The following CPS1 variants were observed in gnomAD, a reference collection of about 807,000 sequenced individuals.
CPS1 encodes carbamoyl-phosphate synthase [ammonia], mitochondrial.
CPS1 carries 109 observed loss-of-function variants against 174.6 expected under a neutral mutation model. The ratio of observed to expected loss-of-function variants is 0.62; its 90% CI spans 0.53 to 0.73. The LOEUF is 0.73. Among genes scored for constraint, CPS1 ranks in the 30% least tolerant of loss-of-function variants. The pLI is 0.00. For missense variants in CPS1, 1,689 were observed against 1,821.9 expected (o/e 0.93, Z 1.33); for synonymous variants, 637 against 632.0 (o/e 1.01, Z -0.12).
intron 36 of CPS1, 118 bp from the exon 37 acceptor site, chr2:210,676,889 G>A (rs532985289): frequency 1.2e-6 from 1 of 867,502 alleles, no homozygotes; most frequent in East Asian, 2.6e-5. Flanking sequence ...GAGGGCAGAT[G>A]GCAGTCAACT....
At chr2:210,611,146 C>T (rs994743977) in intron 19 of CPS1, among the ~76,000 whole-genome samples, 1 of 151,828 alleles carries the variant, frequency 6.6e-6, no homozygotes, top group African/African-American at 2.4e-5. Flanking sequence ...TATTCCTGCT[C>T]TTGTAAATTT....
chr2:210,588,445 T>C (rs1574558443), intron 7 of CPS1, among the ~76,000 whole-genome samples: 2 of 152,168 alleles, frequency 1.3e-5, no homozygotes, highest in Admixed American at 6.6e-5. Flanking sequence ...TTCACTTTCT[T>C]TGTGGTATAG....
chr2:210,644,305 G>A (rs995940272), intron 25 of CPS1, among the ~76,000 whole-genome samples: 44 of 152,004 alleles, frequency 2.9e-4, no homozygotes, highest in African/African-American at 1.0e-3. Flanking sequence ...ATATGTAAAT[G>A]TAGACAATGG....
At position 210,606,802 on chromosome 2, in the gene CPS1, A is replaced by G. The variant is rs758623542; in HGVS notation, c.2053A>G (p.Ile685Val). The change falls in exon 18 of 38, where the codon ATC becomes GTC. Residue 685 changes from isoleucine to valine, a missense_variant. Transcript: ENST00000233072. ...AEFQMLRRTS[I>V]NVVRHLGIVG... ...GTTTCAGATGTTGAGACGTACTTCA[A>G]TCAATGTTGTTCGCCACTTGGGCAT... The G allele has an allele frequency of 3.1e-6, 5 of 1,612,562 alleles. No homozygotes were observed. The Admixed American group carries it at 6.7e-5, about 22-fold the overall frequency.
At chr2:210,496,174 G>T (rs760695985) in intron 1 of CPS1, among the ~76,000 whole-genome samples, 1 of 152,102 alleles carries the variant, frequency 6.6e-6, no homozygotes, top group African/African-American at 2.4e-5. Context: ...AGCTTCTGTG[G>T]CATCTGTCCC....
intron 1 of CPS1, among the ~76,000 whole-genome samples, chr2:210,505,443 T>A (rs1014976067): frequency 2.0e-5 from 3 of 151,992 alleles, no homozygotes; most frequent in Non-Finnish European, 2.9e-5. Context: ...ACAGCTCCAG[T>A]CTACTGCTCC....
chr2:210,571,311 T>G (rs914266186), intron 1 of CPS1, among the ~76,000 whole-genome samples: 6 of 151,864 alleles, frequency 4.0e-5, no homozygotes, highest in Non-Finnish European at 2.9e-5. Flanking sequence ...ATAAGCCTAG[T>G]AAAGGACAAA....
chr2:210,496,922 A>T (rs938973657), intron 1 of CPS1, among the ~76,000 whole-genome samples: 25 of 152,126 alleles, frequency 1.6e-4, no homozygotes, highest in Admixed American at 1.6e-3. Context: ...TTAACTGTCT[A>T]TGTCATTTAT....
intron 1 of CPS1, among the ~76,000 whole-genome samples, chr2:210,518,138 G>A (rs1695730373): frequency 6.6e-6 from 1 of 151,894 alleles, no homozygotes; most frequent in African/African-American, 2.4e-5. Flanking sequence ...TCTTTCCAGA[G>A]ATTTGTCACT....
At chr2:210,625,078 T>C (rs1263313150) in intron 21 of CPS1, among the ~76,000 whole-genome samples, 2 of 152,046 alleles carry the variant, frequency 1.3e-5, no homozygotes, top group African/African-American at 4.8e-5. Flanking sequence ...TTAGACCAAA[T>C]GGTATTTGTT....
At chr2:210,617,337 C>T (rs941138834) in intron 21 of CPS1, among the ~76,000 whole-genome samples, 21 of 152,040 alleles carry the variant, frequency 1.4e-4, no homozygotes, top group Admixed American at 2.6e-4. Flanking sequence ...CTGAAATACA[C>T]TACTATTGGA....
At chr2:210,551,109 C>A (rs1158019331) in intron 1 of CPS1, among the ~76,000 whole-genome samples, 2 of 151,826 alleles carry the variant, frequency 1.3e-5, no homozygotes, top group African/African-American at 4.8e-5. Context: ...ATAAATCAAT[C>A]CTCTACAACT....
At chr2:210,494,462 G>A (rs1694941645) in intron 1 of CPS1, among the ~76,000 whole-genome samples, 1 of 152,072 alleles carries the variant, frequency 6.6e-6, no homozygotes, top group Admixed American at 6.5e-5. Context: ...CCAAGGGGAA[G>A]ATAACAGCAA....
At chr2:210,550,174 G>A (rs1242436767) in intron 1 of CPS1, among the ~76,000 whole-genome samples, 2 of 151,782 alleles carry the variant, frequency 1.3e-5, no homozygotes, top group Non-Finnish European at 2.9e-5. Context: ...GAGAAGTTGT[G>A]GTTACTTTCT....
intron 19 of CPS1, among the ~76,000 whole-genome samples, chr2:210,611,032 C>G (rs903493911): frequency 2.6e-5 from 4 of 151,810 alleles, no homozygotes; most frequent in Non-Finnish European, 5.9e-5. Flanking sequence ...TTCTGGCAGT[C>G]TTTTCCATGC....
intron 36 of CPS1, among the ~76,000 whole-genome samples, chr2:210,676,707 C>G (rs1393475336): frequency 1.3e-5 from 2 of 152,174 alleles, no homozygotes; most frequent in African/African-American, 4.8e-5. Flanking sequence ...GAGGGATCAC[C>G]TCTTTTTAAA....
At chr2:210,658,550 A>G (rs767366850) in intron 30 of CPS1, 49 bp from the exon 31 acceptor site, 8 of 1,534,264 alleles carry the variant, frequency 5.2e-6, no homozygotes, top group Admixed American at 1.7e-5. Flanking sequence ...GTTTTCAAAA[A>G]CTAAGATATG....
rs59741271 is a variant in CPS1 at position 210,608,577 on chromosome 2, T to G, written c.2391+18T>G. ...TAGGAGAGGTGAGTCCTTGGTTTAT[T>G]ACGCTTTTCTTCTTGTTCTCAGTTA... On this transcript the variant is annotated intron_variant, in intron 19 of 37. Coordinates refer to ENST00000233072, the MANE Select transcript of CPS1 (RefSeq NM_001875.5). The G allele has an allele frequency of 3.2e-3, 5,076 of 1,607,868 alleles. 154 individuals carry two copies. In the African/African-American group the frequency reaches 0.06, roughly 19 times the overall value.
chr2:210,577,908 GTGTAACTT>G lies in CPS1; in HGVS notation c.471+402_471+409del, dbSNP rs371974152. Among the ~76,000 whole-genome samples the G allele has an allele frequency of 5.6e-4, 85 of 152,152 alleles. 1 individual carries two copies. The East Asian group carries it at 0.015, about 27-fold the overall frequency. On this transcript the variant is annotated intron_variant, in intron 4 of 37. Transcript: ENST00000233072. ...GTACCAGCTCTACTGTTAACTGGTT[GTGTAACTT>G]TGTGCAGGTCACATAATCATTCTAT...
Sources: allele counts gnomAD v4.1 joint callset (sites outside exome capture counted in the v4.1 genomes callset), GRCh38; gene constraint gnomAD v4.1.1; transcripts MANE v1.5; gene names NCBI Gene and HGNC (gene_info 2026-07-23, HGNC 2026-07-21).